The following BLOC1S6 variants were observed in gnomAD, a reference collection of about 807,000 sequenced individuals.
The protein encoded by BLOC1S6 is biogenesis of lysosome-related organelles complex 1 subunit 6.
BLOC1S6 carries 24 observed loss-of-function variants against 24.7 expected under a neutral mutation model. That is an observed-to-expected ratio of 0.97 (90% CI 0.70 to 1.37). BLOC1S6 has a LOEUF of 1.37. Ranked by LOEUF, BLOC1S6 falls within the 40% of genes most tolerant of loss-of-function variation. The probability of loss-of-function intolerance (pLI) is 0.00; values close to 1 mark genes in which losing one functional copy is unlikely to be tolerated. For missense variants in BLOC1S6, 175 were observed against 196.2 expected, an observed-to-expected ratio of 0.89 and a Z score of 0.64; for synonymous variants, 76 against 72.6, an observed-to-expected ratio of 1.05 and a Z score of -0.23.
At chr15:45,596,808 C>T (rs113887184) in intron 2 of BLOC1S6, among the ~76,000 whole-genome samples, 11,361 of 151,638 alleles carry the variant, frequency 0.075, 1,505 homozygotes, top group African/African-American at 0.26. Flanking sequence ...TCCCAAGTAG[C>T]GGGATTATAG....
chr15:45,600,084 A>G (rs1894215718), intron 2 of BLOC1S6, among the ~76,000 whole-genome samples: 1 of 148,644 alleles, frequency 6.7e-6, no homozygotes, highest in East Asian at 2.0e-4. Context: ...CGCAAGAACA[A>G]AAAACCAAAC....
chr15:45,592,300 T>C lies in BLOC1S6; in HGVS notation c.224+24T>C, dbSNP rs764721180. The C allele has an allele frequency of 2.5e-6, 4 of 1,612,148 alleles. No individual in the cohort carries two copies. In the African/African-American group the frequency reaches 4.0e-5, roughly 16 times the overall value. On this transcript the variant is annotated intron_variant, in intron 2 of 4. Transcript: ENST00000220531. ...ACGTAAGCTAATAAAAAACCAGATA[T>C]ACACTCATTTCCTCTGTGGCATAGT...
chr15:45,587,303 G>A (rs1433498554), upstream of BLOC1S6: 1 of 808,808 alleles, frequency 1.2e-6, no homozygotes, highest in Non-Finnish European at 2.1e-6. Flanking sequence ...GCGCGTGATC[G>A]AAGCCCGCAG....
Position 45,592,218 on chromosome 15 carries a change from T to C in BLOC1S6, c.166T>C (p.Leu56=). The part of the protein sequence containing the change: ...DKAVEQLAEG[L]LSHYLPDLQR... ...AGCAGTGGAGCAACTGGCAGAAGGA[T>C]TGCTTTCTCATTATTTGCCAGATCT... The change falls in exon 2 of 5, where the codon TTG becomes CTG. Residue 56 remains leucine, a synonymous_variant. Transcript: ENST00000220531. 1 of 1,614,146 alleles carries C rather than the reference T, an allele frequency of 6.2e-7. No homozygotes were observed. Among genetic ancestry groups the C allele is most frequent in the Non-Finnish European group, 8.5e-7 (1 of 1,180,026 alleles).
At position 45,607,213 on chromosome 15, in the gene BLOC1S6, T is replaced by C. The variant is rs1051481206; in HGVS notation, c.*699T>C. 1 of 152,400 alleles carries C rather than the reference T, an allele frequency of 6.6e-6. No individual in the cohort carries two copies. Among genetic ancestry groups the C allele is most frequent in the Admixed American group, 6.5e-5 (1 of 15,278 alleles). 9.4% of individuals were successfully genotyped at this position (152,400 alleles called of 1,614,324 possible). Reference sequence around the variant, plus strand: ...GTGAAGAACATAATGGAAAAGTGCATGTACGGGAAATAACAGCACTTTAGG... The same window carrying C: ...GTGAAGAACATAATGGAAAAGTGCACGTACGGGAAATAACAGCACTTTAGG... On this transcript the variant is annotated 3_prime_UTR_variant, in exon 5 of 5. Transcript: ENST00000220531.
chr15:45,590,116 T>G (rs553543245), intron 1 of BLOC1S6, among the ~76,000 whole-genome samples: 1 of 152,284 alleles, frequency 6.6e-6, no homozygotes, highest in African/African-American at 2.4e-5. Flanking sequence ...AATTGGTGGA[T>G]ATAATTTATT....
In BLOC1S6 at chr15:45,604,697, G is replaced by C. The variant is rs184791352; in HGVS notation, c.313-731G>C. Among the ~76,000 whole-genome samples the C allele has an allele frequency of 1.8e-3, 270 of 152,252 alleles. 1 individual carries two copies. Among genetic ancestry groups the C allele is most frequent in the African/African-American group, 6.1e-3 (252 of 41,564 alleles). ...TGACTTTACTTGCAGCTACATTAAG[G>C]CTGTGAATCTCTCTACTGACATTTC... On this transcript the variant is annotated intron_variant, in intron 3 of 4. Transcript: ENST00000220531.
At chr15:45,591,979 G>A (rs1010185363) in intron 1 of BLOC1S6, 156 bp from the exon 2 acceptor site, 2 of 823,998 alleles carry the variant, frequency 2.4e-6, no homozygotes, top group South Asian at 1.7e-5. Context: ...AATTTGAAAG[G>A]TTCCGGCTGG....
chr15:45,601,887 T>C (rs1317064677), intron 2 of BLOC1S6, among the ~76,000 whole-genome samples: 2 of 152,012 alleles, frequency 1.3e-5, no homozygotes, highest in Non-Finnish European at 2.9e-5. Flanking sequence ...TATTTATTTA[T>C]TTATATTTGT....
chr15:45,606,351 C>T (rs773036370), intron 4 of BLOC1S6, 44 bp from the exon 5 acceptor site: 6 of 1,609,922 alleles, frequency 3.7e-6, no homozygotes, highest in Non-Finnish European at 4.2e-6. Context: ...AAACCTGTAA[C>T]CCCTGATTGC....
rs1566897608 is a variant in BLOC1S6 at position 45,587,834 on chromosome 15, G to A, written c.82+309G>A. ...TTATTTGTCATACGGCAGTGGTGGG[G>A]GATGGATTTACCAGAAAGATGATCA... is the stretch of plus-strand genomic sequence containing the variant. On this transcript the variant is annotated intron_variant, in intron 1 of 4. Coordinates refer to ENST00000220531, the MANE Select transcript of BLOC1S6 (RefSeq NM_012388.4). 4.3e-6 allele frequency: 3 copies of A among 689,938 alleles called. No individual in the cohort carries two copies. In the East Asian group the frequency reaches 8.1e-5, roughly 19 times the overall value. 42.7% of individuals were successfully genotyped at this position (689,938 alleles called of 1,614,324 possible).
At position 45,603,107 on chromosome 15, in the gene BLOC1S6, C is replaced by A; in HGVS notation, c.232C>A (p.Gln78Lys). ...TGTGTGTTTTTGTTTCAGACAGAAC[C>A]AAGTTGTATTGTTAGACACACTGGA... ...KQALQELTQN[Q>K]VVLLDTLEQE... The change falls in exon 3 of 5, where the codon CAA (glutamine) becomes AAA (lysine). Residue 78 changes from glutamine to lysine, a missense_variant. Transcript: ENST00000220531. 1.2e-6 allele frequency: 2 copies of A among 1,609,702 alleles called. No individual in the cohort carries two copies. Among genetic ancestry groups the A allele is most frequent in the South Asian group, 1.1e-5 (1 of 90,888 alleles).
At chr15:45,596,496 C>T (rs1458200710) in intron 2 of BLOC1S6, among the ~76,000 whole-genome samples, 2 of 152,178 alleles carry the variant, frequency 1.3e-5, no homozygotes, top group African/African-American at 4.8e-5. Context: ...CTGTACCTGG[C>T]CACCATTTGT....
In BLOC1S6 at chr15:45,592,242, C is replaced by T; in HGVS notation, c.190C>T (p.Leu64=). Residue 64 remains leucine, a synonymous_variant, in exon 2 of 5, where the codon CTG becomes TTG. Transcript: ENST00000220531. The stretch of plus-strand genomic sequence containing the variant: ...ATTGCTTTCTCATTATTTGCCAGAT[C>T]TGCAGAGATCAAAACAAGCCCTCCA... ...EGLLSHYLPD[L]QRSKQALQEL... is the part of the protein sequence containing the mutation. 1 of 1,614,078 alleles carries T rather than the reference C, an allele frequency of 6.2e-7. No individual in the cohort carries two copies. Among genetic ancestry groups the T allele is most frequent in the Non-Finnish European group, 8.5e-7 (1 of 1,180,018 alleles).
Position 45,606,793 on chromosome 15 carries a change from G to A in BLOC1S6, c.*279G>A. 1 of 399,038 alleles carries A rather than the reference G, an allele frequency of 2.5e-6. No homozygotes were observed. The highest frequency in any genetic ancestry group is 4.6e-5 in the East Asian group (1 of 21,924). 24.7% of individuals were successfully genotyped at this position (399,038 alleles called of 1,614,324 possible). ...CTGGAAAGTGGTTTGATTATTGTGA[G>A]TCAAAACTCTAAGTGGTTAAAAATT... On this transcript the variant is annotated 3_prime_UTR_variant, in exon 5 of 5. Transcript: ENST00000220531.
intron 1 of BLOC1S6, chr15:45,591,853 A>T (rs1595552708): frequency 2.6e-6 from 1 of 384,024 alleles, no homozygotes; most frequent in East Asian, 5.3e-5. Flanking sequence ...TCAGAGGTAA[A>T]AGTTTAAAAA....
At chr15:45,588,669 A>G (rs1893776363) in intron 1 of BLOC1S6, among the ~76,000 whole-genome samples, 1 of 152,214 alleles carries the variant, frequency 6.6e-6, no homozygotes, top group Non-Finnish European at 1.5e-5. Flanking sequence ...GTCATTCCTG[A>G]ACTCAGAAAC....
chr15:45,591,386 G>A (rs976063515), intron 1 of BLOC1S6, among the ~76,000 whole-genome samples: 3 of 152,072 alleles, frequency 2.0e-5, no homozygotes, highest in Non-Finnish European at 4.4e-5. Context: ...TTCAGTGACC[G>A]TTACCCACGT....
intron 2 of BLOC1S6, among the ~76,000 whole-genome samples, chr15:45,597,430 T>A (rs72713180): frequency 0.074 from 11,319 of 152,208 alleles, 577 homozygotes; most frequent in Middle Eastern, 0.18. Context: ...TGAACTATGA[T>A]CATGCCGCTG....
Sources: gnomAD v4.1 joint callset for allele counts (sites outside exome capture counted in the v4.1 genomes callset) on GRCh38, gnomAD v4.1.1 for gene constraint, MANE v1.5 for transcripts, NCBI Gene and HGNC (gene_info 2026-07-23, HGNC 2026-07-21) for gene names.